NAGK: variants seen among roughly 807,000 people sequenced by gnomAD.
NAGK encodes the protein N-acetylglucosamine kinase.
NAGK carries 35 observed loss-of-function variants against 42.9 expected under a neutral mutation model. The observed-to-expected ratio is 0.82, with a 90% confidence interval of 0.62 to 1.08. The LOEUF (loss-of-function observed/expected upper bound fraction) is 1.08, where lower values mean the gene tolerates loss of function less well. Ranked by LOEUF, NAGK falls within the 50% of genes least tolerant of loss-of-function variation. The pLI is 0.00. For missense variants in NAGK, 446 were observed against 446.0 expected (o/e 1.00, Z 0.00); for synonymous variants, 172 against 176.0 (o/e 0.98, Z 0.18).
In NAGK at chr2:71,070,841, T is replaced by G. The variant is rs1383132488; in HGVS notation, c.213+2T>G. The stretch of plus-strand genomic sequence containing the variant: ...CCTCTGGTACCGCTGCGAAGCTTGG[T>G]GAGTCTGGGGCGGAGCCTGGGAATT... On this transcript the variant is annotated splice_donor_variant, in intron 3 of 9. Coordinates refer to ENST00000244204, the MANE Select transcript of NAGK (RefSeq NM_017567.6). LOFTEE classifies it high-confidence loss of function. 2 of 1,614,092 alleles carry G rather than the reference T, an allele frequency of 1.2e-6. No homozygotes were observed. The highest frequency in any genetic ancestry group is 3.3e-5 in the Admixed American group (2 of 60,026).
At chr2:71,077,948 G>A (rs1270528391) in intron 9 of NAGK, among the ~76,000 whole-genome samples, 1 of 152,202 alleles carries the variant, frequency 6.6e-6, no homozygotes, top group Non-Finnish European at 1.5e-5. Context: ...GATAACCTGG[G>A]GGACATCCCT....
In NAGK at chr2:71,070,395, A is replaced by C. The variant is rs1158369471; in HGVS notation, c.30-107A>C. 5.7e-6 allele frequency: 5 copies of C among 877,546 alleles called. No individual in the cohort carries two copies. In the Admixed American group the frequency reaches 1.3e-4, roughly 23 times the overall value. The allele number at this position is 877,546 out of a possible 1,614,324, so 54.4% of individuals were successfully genotyped here. A position where few individuals can be genotyped will look rare whatever the true frequency, so the allele number is the denominator to read the frequency against. On this transcript the variant is annotated intron_variant, in intron 1 of 9. Transcript: ENST00000244204. ...TTGGGAGTGGTGATTGAGTTTGTCG[A>C]AGCTGTCTCCTCCATCATACTGGGC...
At position 71,070,540 on chromosome 2, in the gene NAGK, A is replaced by C. The variant is rs969035441; in HGVS notation, c.68A>C (p.Asp23Ala). 1 of 1,613,920 alleles carries C rather than the reference A, an allele frequency of 6.2e-7. No homozygotes were observed. The highest frequency in any genetic ancestry group is 8.5e-7 in the Non-Finnish European group (1 of 1,179,992). ...TRSEVLLVSE[D>A]GKILAEADGL... Reference sequence around the variant, plus strand: ...TCCGAGGTCCTTTTAGTCTCAGAGGATGGGAAGATCCTGGCAGAAGCAGAT... The same window carrying C: ...TCCGAGGTCCTTTTAGTCTCAGAGGCTGGGAAGATCCTGGCAGAAGCAGAT... Residue 23 changes from aspartate (D) to alanine (A), a missense_variant, in exon 2 of 10, where the codon GAT becomes GCT. Coordinates refer to ENST00000244204, the MANE Select transcript of NAGK (RefSeq NM_017567.6).
chr2:71,078,732 A>G lies in NAGK; in HGVS notation c.*224A>G, dbSNP rs1165952302. 12 of 545,890 alleles carry G rather than the reference A, an allele frequency of 2.2e-5. No homozygotes were observed. Among genetic ancestry groups the G allele is most frequent in the Admixed American group, 3.7e-5 (1 of 26,904 alleles). 33.8% of individuals were successfully genotyped at this position (545,890 alleles called of 1,614,324 possible). ...GAGGGCTCATGAGTGAATTTAGTCC[A>G]AGATTTAAAGCCCTGCCCCCAGGTG... On this transcript the variant is annotated 3_prime_UTR_variant, in exon 10 of 10. Transcript: ENST00000244204.
In NAGK at chr2:71,070,721, C is replaced by T; in HGVS notation, c.115-20C>T. 1 of 1,614,130 alleles carries T rather than the reference C, an allele frequency of 6.2e-7. No homozygotes were observed. Among genetic ancestry groups the T allele is most frequent in the South Asian group, 1.1e-5 (1 of 91,066 alleles). ...CTTCTGTAAGCCTTTGTAACTCCTT[C>T]TTCCCTTGATTGGGGCCAGCTGATC... On this transcript the variant is annotated intron_variant, in intron 2 of 9. Coordinates refer to ENST00000244204, the MANE Select transcript of NAGK (RefSeq NM_017567.6).
chr2:71,073,396 T>C lies in NAGK; in HGVS notation c.467-86T>C, dbSNP rs537616388. ...CTAATTTGTATAAAATTCAAGCAGATCACTAACCTGTCTGGATCTGAGTTT... is the reference window on the plus strand; with the variant it reads ...CTAATTTGTATAAAATTCAAGCAGACCACTAACCTGTCTGGATCTGAGTTT... On this transcript the variant is annotated intron_variant, in intron 5 of 9. Coordinates refer to ENST00000244204, the MANE Select transcript of NAGK (RefSeq NM_017567.6). 9 of 744,944 alleles carry C rather than the reference T, an allele frequency of 1.2e-5. No individual in the cohort carries two copies. In the African/African-American group the frequency reaches 1.8e-4, roughly 15 times the overall value. 46.1% of individuals were successfully genotyped at this position (744,944 alleles called of 1,614,324 possible).
Position 71,078,421 on chromosome 2 carries a change from C to T in NAGK, c.948C>T (p.Ala316=), listed in dbSNP as rs772820781. ...GGCACTCCTCCGCTCTGGGTGGGGC[C>T]AGCCTAGGGGCCAGGCACATCGGGC... ...KLRHSSALGG[A]SLGARHIGHL... The change falls in exon 10 of 10, where the codon GCC becomes GCT. Residue 316 remains alanine (A), a synonymous_variant. Transcript: ENST00000244204. The T allele has an allele frequency of 6.2e-7, 1 of 1,614,054 alleles. No homozygotes were observed. Among genetic ancestry groups the T allele is most frequent in the Non-Finnish European group, 8.5e-7 (1 of 1,179,962 alleles).
At chr2:71,074,315 T>A (rs1672133671) in intron 6 of NAGK, among the ~76,000 whole-genome samples, 1 of 152,060 alleles carries the variant, frequency 6.6e-6, no homozygotes, top group Admixed American at 6.6e-5. Context: ...GCCTGGATTA[T>A]CAGGGCTGAG....
At chr2:71,077,434 G>C (rs1347262091) in intron 8 of NAGK, 124 bp from the exon 9 acceptor site, 1 of 856,288 alleles carries the variant, frequency 1.2e-6, no homozygotes, top group Admixed American at 2.3e-5. Context: ...TCCTGAGTCT[G>C]TCTACTGTTT....
chr2:71,075,293 G>A, intron 6 of NAGK: 2 of 359,992 alleles, frequency 5.6e-6, no homozygotes, highest in Non-Finnish European at 1.0e-5. Flanking sequence ...AGCAGCTCAA[G>A]AAACTATAGG....
In NAGK at chr2:71,078,605, CA is replaced by C; in HGVS notation, c.*98del. Reference sequence around the variant, plus strand: ...CCTTTCTCCTTTTTACAAAAACAAACATAGAAGAAAATAAATGCACTTTATC... The same window carrying C: ...CCTTTCTCCTTTTTACAAAAACAAACTAGAAGAAAATAAATGCACTTTATC... On this transcript the variant is annotated 3_prime_UTR_variant, in exon 10 of 10. Coordinates refer to ENST00000244204, the MANE Select transcript of NAGK (RefSeq NM_017567.6). 1 of 1,357,886 alleles carries C rather than the reference CA, an allele frequency of 7.4e-7. No homozygotes were observed. The highest frequency in any genetic ancestry group is 9.8e-7 in the Non-Finnish European group (1 of 1,016,828). 84.1% of individuals were successfully genotyped at this position (1,357,886 alleles called of 1,614,324 possible).
At chr2:71,077,506 G>A in intron 8 of NAGK, 52 bp from the exon 9 acceptor site, 1 of 1,545,264 alleles carries the variant, frequency 6.5e-7, no homozygotes, top group African/African-American at 1.4e-5. Context: ...CCCGCCTTCA[G>A]CACTGGAGAG....
intron 7 of NAGK, chr2:71,076,275 C>T (rs771424714): frequency 9.1e-6 from 2 of 219,582 alleles, no homozygotes; most frequent in Non-Finnish European, 1.8e-5. Context: ...CTGACAGCCT[C>T]ATAGGAACAG....
At chr2:71,075,697 T>C (rs1280386421) in intron 7 of NAGK, 55 bp downstream of exon 7, 8 of 1,516,860 alleles carry the variant, frequency 5.3e-6, no homozygotes, top group Non-Finnish European at 7.3e-6. Context: ...AGATCCCCAG[T>C]TGGGAGATTG....
Position 71,078,624 on chromosome 2 carries a change from A to C in NAGK, c.*116A>C. 1 of 1,212,852 alleles carries C rather than the reference A, an allele frequency of 8.2e-7. No homozygotes were observed. The highest frequency in any genetic ancestry group is 1.1e-6 in the Non-Finnish European group (1 of 889,328). The allele number at this position is 1,212,852 out of a possible 1,614,324, so 75.1% of individuals were successfully genotyped here. On this transcript the variant is annotated 3_prime_UTR_variant, in exon 10 of 10. Coordinates refer to ENST00000244204, the MANE Select transcript of NAGK (RefSeq NM_017567.6). Reference sequence around the variant, plus strand: ...AACAAACATAGAAGAAAATAAATGCACTTTATCCACTCCCCAATTGGACTG... The same window carrying C: ...AACAAACATAGAAGAAAATAAATGCCCTTTATCCACTCCCCAATTGGACTG...
At position 71,078,329 on chromosome 2, in the gene NAGK, G is replaced by T; in HGVS notation, c.856G>T (p.Ala286Ser). 1 of 1,613,964 alleles carries T rather than the reference G, an allele frequency of 6.2e-7. No homozygotes were observed. The highest frequency in any genetic ancestry group is 1.3e-5 in the African/African-American group (1 of 74,966). The change falls in exon 10 of 10, where the codon GCG becomes TCG. Residue 286 changes from alanine to serine, a missense_variant. Ala to Ser is a moderately conservative substitution (Grantham distance 99). Coordinates refer to ENST00000244204, the MANE Select transcript of NAGK (RefSeq NM_017567.6). ...WELLKEGFLL[A>S]LTQGREIQAQ... ...GTTCTTCCCTCCAGGTTTTCTTCTG[G>T]CGCTGACCCAGGGCAGAGAGATCCA... is the stretch of plus-strand genomic sequence containing the variant.
chr2:71,070,464 T>C, intron 1 of NAGK, 38 bp from the exon 2 acceptor site: 1 of 1,577,836 alleles, frequency 6.3e-7, no homozygotes, highest in Non-Finnish European at 8.7e-7. Flanking sequence ...TCTGTGGGTT[T>C]TTCCGAGCAA....
rs553454569 is a variant in NAGK at position 71,071,790 on chromosome 2, C to G, written c.318C>G (p.Thr106=). The change falls in exon 4 of 10, where the codon ACC becomes ACG. Residue 106 remains threonine (T), a synonymous_variant. Transcript: ENST00000244204. ...TGAGTGAAAGCTACTTAATCACCAC[C>G]GATGCCGCCGGCTCCATCGCCACAG... ...PYLSESYLIT[T]DAAGSIATAT... The G allele has an allele frequency of 2.5e-6, 4 of 1,614,154 alleles. No individual in the cohort carries two copies. The highest frequency in any genetic ancestry group is 3.4e-6 in the Non-Finnish European group (4 of 1,180,034).
At chr2:71,077,206 C>T (rs1672242072) in intron 8 of NAGK, among the ~76,000 whole-genome samples, 1 of 152,210 alleles carries the variant, frequency 6.6e-6, no homozygotes, top group Admixed American at 6.5e-5. Flanking sequence ...CTCAAGTGAT[C>T]CACCCACCTT....
Sources: allele counts gnomAD v4.1 joint callset (sites outside exome capture counted in the v4.1 genomes callset), GRCh38; gene constraint gnomAD v4.1.1; transcripts MANE v1.5; gene names NCBI Gene and HGNC (gene_info 2026-07-23, HGNC 2026-07-21).